The following PRKCE variants were observed in gnomAD, a reference collection of about 807,000 sequenced individuals.
PRKCE encodes protein kinase C epsilon, also known as protein kinase C epsilon type.
PRKCE carries 16 observed loss-of-function variants against 85.4 expected under a neutral mutation model. The ratio of observed to expected loss-of-function variants is 0.19; its 90% CI spans 0.13 to 0.28. The LOEUF is 0.28. Ranked by LOEUF, PRKCE falls within the 10% of genes least tolerant of loss-of-function variation. PRKCE has a pLI of 1.00. For synonymous variants in PRKCE, 388 were observed against 371.5 expected (o/e 1.04, Z -0.51); for missense variants, 573 against 975.2 (o/e 0.59, Z 5.49).
At position 45,774,608 on chromosome 2, in the gene PRKCE, G is replaced by A. The variant is rs925498194; in HGVS notation, c.349-68392G>A. ...TGTGACTGTACAGAGCAGGCAGCCT[G>A]TGGGGTAGGGTTGCACTGAGAGGGG... On this transcript the variant is annotated intron_variant, in intron 1 of 14. Transcript: ENST00000306156. The surrounding 1 kb of genome is among the most constrained non-coding windows in gnomAD (Gnocchi z 4.3). Among the ~76,000 whole-genome samples the A allele has an allele frequency of 1.3e-5, 2 of 152,212 alleles. No individual in the cohort carries two copies. The highest frequency in any genetic ancestry group is 4.8e-5 in the African/African-American group (2 of 41,450).
chr2:45,670,588 A>G lies in PRKCE; in HGVS notation c.348+18140A>G, dbSNP rs558278957. Among the ~76,000 whole-genome samples the G allele has an allele frequency of 1.0e-3, 159 of 152,366 alleles. 5 individuals carry two copies. In the South Asian group the frequency reaches 0.032, roughly 31 times the overall value. On this transcript the variant is annotated intron_variant, in intron 1 of 14. Coordinates refer to ENST00000306156, the MANE Select transcript of PRKCE (RefSeq NM_005400.3). ...AAAAAACATTGAGAAATATTGCCCCAGAACACAGTTTCTCATTCAATCTAA... is the reference window on the plus strand; with the variant it reads ...AAAAAACATTGAGAAATATTGCCCCGGAACACAGTTTCTCATTCAATCTAA...
intron 11 of PRKCE, among the ~76,000 whole-genome samples, chr2:46,135,894 C>T (rs1674942400): frequency 1.3e-5 from 2 of 150,660 alleles, no homozygotes; most frequent in African/African-American, 4.9e-5. Context: ...GAAGAGGGTG[C>T]CTGCCAGTCA....
At chr2:45,858,675 T>A (rs1272992041) in intron 2 of PRKCE, among the ~76,000 whole-genome samples, 3 of 152,238 alleles carry the variant, frequency 2.0e-5, no homozygotes, top group Non-Finnish European at 2.9e-5. Flanking sequence ...CATTTCTTTA[T>A]GATTTTAGCA....
At chr2:45,812,772 T>C (rs1196245388) in intron 1 of PRKCE, among the ~76,000 whole-genome samples, 1 of 152,166 alleles carries the variant, frequency 6.6e-6, no homozygotes, top group African/African-American at 2.4e-5. Flanking sequence ...ATAGCAGTAG[T>C]GGTGGTGGTA....
At chr2:45,715,630 C>G (rs533201701) in intron 1 of PRKCE, among the ~76,000 whole-genome samples, 1 of 152,306 alleles carries the variant, frequency 6.6e-6, no homozygotes, top group Admixed American at 6.5e-5. Context: ...GTAGTCTATT[C>G]TAAGGTGTCA....
chr2:45,759,259 G>A (rs1006256989), intron 1 of PRKCE, among the ~76,000 whole-genome samples: 12 of 152,188 alleles, frequency 7.9e-5, no homozygotes, highest in African/African-American at 2.9e-4. Context: ...CATGGTTTTA[G>A]TATGTCTTGA....
At chr2:45,760,027 A>C (rs1684331677) in intron 1 of PRKCE, among the ~76,000 whole-genome samples, 1 of 152,226 alleles carries the variant, frequency 6.6e-6, no homozygotes, top group African/African-American at 2.4e-5. Flanking sequence ...AAGCAGATGC[A>C]TTTGAAAGTG....
intron 11 of PRKCE, among the ~76,000 whole-genome samples, chr2:46,128,515 A>G (rs959394305): frequency 1.3e-5 from 2 of 152,226 alleles, no homozygotes; most frequent in African/African-American, 4.8e-5. Context: ...TTGTATTCAC[A>G]TAGTGTTAAT....
At chr2:46,126,483 G>A (rs1278838143) in intron 11 of PRKCE, among the ~76,000 whole-genome samples, 1 of 152,170 alleles carries the variant, frequency 6.6e-6, no homozygotes. Flanking sequence ...TACAGAAAGT[G>A]ATGGGAGTTG....
chr2:46,027,055 G>C (rs989441583), intron 10 of PRKCE, among the ~76,000 whole-genome samples: 1 of 152,146 alleles, frequency 6.6e-6, no homozygotes, highest in Non-Finnish European at 1.5e-5. Flanking sequence ...TGTTGTCCCA[G>C]CTACTCTGGA....
intron 2 of PRKCE, among the ~76,000 whole-genome samples, chr2:45,973,970 A>T (rs1002159226): frequency 1.3e-5 from 2 of 152,220 alleles, no homozygotes; most frequent in African/African-American, 2.4e-5. Flanking sequence ...TTACTGTTCA[A>T]ATGTATTCCG....
At chr2:45,779,844 T>C (rs2104990176) in intron 1 of PRKCE, among the ~76,000 whole-genome samples, 1 of 152,318 alleles carries the variant, frequency 6.6e-6, no homozygotes, top group East Asian at 1.9e-4. Flanking sequence ...CAAAAATATA[T>C]CACAGTCATC....
chr2:45,679,510 A>C (rs1417963087), intron 1 of PRKCE, among the ~76,000 whole-genome samples: 2 of 152,324 alleles, frequency 1.3e-5, no homozygotes, highest in South Asian at 2.1e-4. Flanking sequence ...GTCTGTTTAT[A>C]ATAAGTGCCA....
At chr2:46,114,026 A>G (rs1194580602) in intron 11 of PRKCE, among the ~76,000 whole-genome samples, 4 of 152,072 alleles carry the variant, frequency 2.6e-5, no homozygotes. Flanking sequence ...TTTGGGTTTA[A>G]CGGGAAGGAA....
chr2:45,754,287 G>C (rs6716622), intron 1 of PRKCE, among the ~76,000 whole-genome samples: 1 of 152,064 alleles, frequency 6.6e-6, no homozygotes, highest in African/African-American at 2.4e-5. Flanking sequence ...AGGCAAGGAG[G>C]CCAGGCATGT....
intron 1 of PRKCE, among the ~76,000 whole-genome samples, chr2:45,660,720 A>G (rs191575816): frequency 6.6e-6 from 1 of 152,262 alleles, no homozygotes; most frequent in Non-Finnish European, 1.5e-5. Context: ...AAAACATTAT[A>G]TTTCTCTCCA....
At chr2:45,978,952 A>C (rs775496952) in intron 3 of PRKCE, 24 bp from the exon 4 acceptor site, 1 of 1,596,634 alleles carries the variant, frequency 6.3e-7, no homozygotes, top group Non-Finnish European at 8.5e-7. Flanking sequence ...ACTTTTTTTA[A>C]AAAAATGTTA....
chr2:45,833,172 A>C (rs907986554), intron 1 of PRKCE, among the ~76,000 whole-genome samples: 1 of 152,034 alleles, frequency 6.6e-6, no homozygotes, highest in Non-Finnish European at 1.5e-5. Flanking sequence ...AAGAAAGAAA[A>C]AATAACTGAA....
At chr2:46,124,891 C>T (rs1366579542) in intron 11 of PRKCE, among the ~76,000 whole-genome samples, 2 of 152,180 alleles carry the variant, frequency 1.3e-5, no homozygotes, top group African/African-American at 2.4e-5. Context: ...TCCACTTAAT[C>T]GATGAATATG....
Sources: allele counts gnomAD v4.1 joint callset (sites outside exome capture counted in the v4.1 genomes callset), GRCh38; gene constraint gnomAD v4.1.1; non-coding constraint Gnocchi (gnomAD v3.1); transcripts MANE v1.5; gene names NCBI Gene and HGNC (gene_info 2026-07-23, HGNC 2026-07-21).